Variants in RLN2 observed in about 807,000 individuals in gnomAD.
RLN2 encodes the protein prorelaxin H2.
RLN2 carries 10 observed loss-of-function variants against 7.3 expected under a neutral mutation model. That is an observed-to-expected ratio of 1.36 (90% CI 0.84 to 2.31). The LOEUF is 2.31. RLN2 is among the 30% of genes most tolerant of loss of function. The pLI is 0.00. For synonymous variants in RLN2, 103 were observed against 82.3 expected (o/e 1.25, Z -1.36); for missense variants, 298 against 217.6 (o/e 1.37, Z -2.32).
the RLN2 span, among the ~76,000 whole-genome samples, chr9:5,313,304 T>C: frequency 1.3e-5 from 2 of 152,066 alleles, no homozygotes; most frequent in African/African-American, 4.8e-5. Flanking sequence ...GAATTGACCT[T>C]TTTATCTCAT....
At chr9:5,330,057 T>A in the RLN2 span, among the ~76,000 whole-genome samples, 1 of 151,958 alleles carries the variant, frequency 6.6e-6, no homozygotes, top group Non-Finnish European at 1.5e-5. Context: ...CACAACAAAC[T>A]GTCTCTCAGA....
chr9:5,305,370 C>T (rs1586933039), upstream of RLN2, among the ~76,000 whole-genome samples: 1 of 131,850 alleles, frequency 7.6e-6, no homozygotes, highest in Non-Finnish European at 1.6e-5. Context: ...CACACACACA[C>T]ACACACACAC....
At chr9:5,327,971 A>G in the RLN2 span, among the ~76,000 whole-genome samples, 4 of 152,036 alleles carry the variant, frequency 2.6e-5, no homozygotes, top group Non-Finnish European at 5.9e-5. Flanking sequence ...CAGAGCAGAA[A>G]AGCTGAAAAT....
chr9:5,328,177 GA>G, the RLN2 span, among the ~76,000 whole-genome samples: 1 of 151,948 alleles, frequency 6.6e-6, no homozygotes, highest in Admixed American at 6.6e-5. Flanking sequence ...AAAGTTAGAC[GA>G]ATGGCTAACT....
At chr9:5,316,779 A>G in the RLN2 span, among the ~76,000 whole-genome samples, 1 of 152,136 alleles carries the variant, frequency 6.6e-6, no homozygotes, top group South Asian at 2.1e-4. Context: ...TTTATAGCAG[A>G]ATGATTTATA....
the RLN2 span, among the ~76,000 whole-genome samples, chr9:5,329,678 G>A: frequency 6.6e-6 from 1 of 151,596 alleles, no homozygotes; most frequent in African/African-American, 2.4e-5. Context: ...ACTACATAAT[G>A]GTAAAGGGAT....
At chr9:5,335,318 T>G in the RLN2 span, 1 of 1,611,728 alleles carries the variant, frequency 6.2e-7, no homozygotes, top group East Asian at 2.2e-5. Flanking sequence ...CAGTGCCACG[T>G]AGGGTCGTCT....
the RLN2 span, among the ~76,000 whole-genome samples, chr9:5,318,623 G>C: frequency 6.6e-6 from 1 of 151,896 alleles, no homozygotes; most frequent in African/African-American, 2.4e-5. Flanking sequence ...CAGAACAAGA[G>C]AATTAACAAT....
chr9:5,303,064 A>C (rs1384611610), intron 1 of RLN2, among the ~76,000 whole-genome samples: 1 of 77,830 alleles, frequency 1.3e-5, no homozygotes, highest in Non-Finnish European at 2.6e-5. Context: ...ATAATAAAGC[A>C]AATGCAATGC....
chr9:5,327,270 G>A, the RLN2 span, among the ~76,000 whole-genome samples: 2 of 152,092 alleles, frequency 1.3e-5, no homozygotes, highest in Non-Finnish European at 2.9e-5. Flanking sequence ...CAGGTCCCAT[G>A]CCCAAGGAGC....
chr9:5,323,823 A>T, the RLN2 span, among the ~76,000 whole-genome samples: 1 of 151,890 alleles, frequency 6.6e-6, no homozygotes, highest in Non-Finnish European at 1.5e-5. Flanking sequence ...AGGTGGATGG[A>T]TTCACTTGAG....
At chr9:5,311,469 G>C in the RLN2 span, 29 of 640,266 alleles carry the variant, frequency 4.5e-5, no homozygotes, top group East Asian at 7.9e-4. Flanking sequence ...GGCTGAAGGG[G>C]ATGTTAAAGG....
At chr9:5,307,341 A>G (rs1816275129), upstream of RLN2, among the ~76,000 whole-genome samples, 3 of 152,008 alleles carry the variant, frequency 2.0e-5, no homozygotes, top group Admixed American at 1.3e-4. Context: ...ATATATATAT[A>G]TGTGCAAAAT....
the RLN2 span, among the ~76,000 whole-genome samples, chr9:5,329,241 T>C: frequency 2.9e-5 from 4 of 139,770 alleles, no homozygotes; most frequent in African/African-American, 8.2e-5. Flanking sequence ...AAGCGGAGCT[T>C]GCAGTGAGCC....
the RLN2 span, among the ~76,000 whole-genome samples, chr9:5,314,248 G>A: frequency 1.3e-5 from 2 of 152,044 alleles, no homozygotes; most frequent in Admixed American, 6.5e-5. Context: ...CACCAGCTTT[G>A]TTGCTGTTGA....
chr9:5,324,692 C>T, the RLN2 span, among the ~76,000 whole-genome samples: 1 of 152,002 alleles, frequency 6.6e-6, no homozygotes, highest in Non-Finnish European at 1.5e-5. Context: ...ATTTGAACCA[C>T]CAGAACATAT....
chr9:5,301,164 G>T lies in RLN2; in HGVS notation c.212-720C>A, dbSNP rs1487411348. ...CTGTGGAGTATGTGTACTGACTAAT[G>T]TTTTCTGTTTGATATTTGTTCCAAA... On this transcript the variant is annotated intron_variant, in intron 1 of 1. Transcript: ENST00000381627. Among the ~76,000 whole-genome samples the T allele has an allele frequency of 3.9e-5, 6 of 152,190 alleles. No homozygotes were observed. In the East Asian group the frequency reaches 1.2e-3, roughly 29 times the overall value.
the RLN2 span, among the ~76,000 whole-genome samples, chr9:5,336,000 T>C: frequency 6.6e-6 from 1 of 152,104 alleles, no homozygotes; most frequent in Non-Finnish European, 1.5e-5. Context: ...TGCTAAGCTA[T>C]GATTTCTGAT....
the RLN2 span, among the ~76,000 whole-genome samples, chr9:5,330,534 A>C: frequency 6.8e-6 from 1 of 148,148 alleles, no homozygotes; most frequent in African/African-American, 2.5e-5. Context: ...GCTACTCTGG[A>C]GGCTGAGGCA....
Sources: gnomAD v4.1 joint callset for allele counts (sites outside exome capture counted in the v4.1 genomes callset) on GRCh38, gnomAD v4.1.1 for gene constraint, MANE v1.5 for transcripts, NCBI Gene and HGNC (gene_info 2026-07-23, HGNC 2026-07-21) for gene names.